The following MTCH1 variants were observed in gnomAD, a reference collection of about 807,000 sequenced individuals.
The protein encoded by MTCH1 is mitochondrial carrier 1, also known as mitochondrial carrier homolog 1.
In MTCH1, 23 loss-of-function variants were observed where a neutral mutation model predicts 49.3. That is an observed-to-expected ratio of 0.47 (90% confidence interval 0.34 to 0.66). MTCH1 has a LOEUF of 0.66. MTCH1 is among the 30% of genes least tolerant of loss of function. The probability of loss-of-function intolerance (pLI) is 0.01; values close to 1 mark genes in which losing one functional copy is unlikely to be tolerated. For synonymous variants in MTCH1, 229 were observed against 215.2 expected (o/e 1.06, Z -0.56); for missense variants, 397 against 532.1 (o/e 0.75, Z 2.50).
At chr6:36,969,656 A>G in intron 11 of MTCH1, 3 of 1,193,756 alleles carry the variant, frequency 2.5e-6, no homozygotes, top group Non-Finnish European at 2.1e-6. Flanking sequence ...CGCCCTAACA[A>G]CCCAGGAACT....
chr6:36,983,521 T>C (rs939087581), intron 1 of MTCH1, among the ~76,000 whole-genome samples: 2 of 152,206 alleles, frequency 1.3e-5, no homozygotes, highest in African/African-American at 4.8e-5. Context: ...TGGGTTATCA[T>C]AGGCACACTG....
chr6:36,981,457 T>G, intron 2 of MTCH1, 131 bp downstream of exon 2: 1 of 768,096 alleles, frequency 1.3e-6, no homozygotes, highest in Admixed American at 2.7e-5. Context: ...CACGCTTAGA[T>G]CCCCTCCTCC....
rs935693517 is a variant in MTCH1, at chr6:36,978,242, A to T, written c.514-87T>A. 7.4e-6 allele frequency: 9 copies of T among 1,224,338 alleles called. No homozygotes were observed. In the East Asian group the frequency reaches 2.1e-4, roughly 29 times the overall value. The allele number at this position is 1,224,338 out of a possible 1,614,324, so 75.8% of individuals were successfully genotyped here. ...ACTTGGGCGGCAGGAACCAGCTCCA[A>T]ATATTTCCTCTGCAGTGTCTATTGG... is the stretch of plus-strand genomic sequence containing the variant. On this transcript the variant is annotated intron_variant, in intron 3 of 11. Coordinates refer to ENST00000373627, the MANE Select transcript of MTCH1 (RefSeq NM_001271641.2).
At chr6:36,985,402 A>C (rs1764261774) in intron 1 of MTCH1, among the ~76,000 whole-genome samples, 1 of 148,954 alleles carries the variant, frequency 6.7e-6, no homozygotes. Context: ...TTCTCTAAAC[A>C]CTTTGCCTGG....
Position 36,972,723 on chromosome 6 carries a change from C to T in MTCH1, c.835G>A (p.Ala279Thr). The part of the protein sequence containing the change: ...GCNLLAHFIN[A>T]YLVDDSVSDT... ...CTCACGCTGTCATCCACCAGGTAGG[C>T]ATTGATGAAGTGGGCCAGCAGGTTA... The change falls in exon 8 of 12, where the codon GCC (alanine) becomes ACC (threonine). Residue 279 changes from alanine (A) to threonine (T), a missense_variant. Physicochemically the swap from Ala to Thr is moderately conservative, Grantham distance 58 (BLOSUM62 0). Around this residue, in one of 2 missense-constraint regions of MTCH1, gnomAD observed 252 missense variants for 388.3 expected, o/e 0.65. Transcript: ENST00000373627. The surrounding 1 kb of genome is among the most constrained non-coding windows in gnomAD (Gnocchi z 4.1). 6.4e-7 allele frequency: 1 copy of T among 1,553,136 alleles called. No homozygotes were observed. Among genetic ancestry groups the T allele is most frequent in the Non-Finnish European group, 8.7e-7 (1 of 1,147,658 alleles).
At chr6:36,981,196 C>A (rs749375034) in intron 2 of MTCH1, among the ~76,000 whole-genome samples, 2 of 152,182 alleles carry the variant, frequency 1.3e-5, no homozygotes, top group African/African-American at 4.8e-5. Context: ...GAGGACCCCC[C>A]GGGCCTCCTG....
chr6:36,978,046 G>GCA (rs759011209), intron 4 of MTCH1, 32 bp downstream of exon 4: 1 of 1,563,568 alleles, frequency 6.4e-7, no homozygotes, highest in South Asian at 1.1e-5. Context: ...TCCCCTCCAC[G>GCA]CACCTCTCCC....
chr6:36,978,392 G>T, intron 3 of MTCH1, 113 bp downstream of exon 3: 1 of 1,107,948 alleles, frequency 9.0e-7, no homozygotes, highest in Non-Finnish European at 1.3e-6. Flanking sequence ...CTGGAGTGAA[G>T]CCCCCAATGG....
chr6:36,974,215 C>G (rs1763782457), intron 7 of MTCH1, among the ~76,000 whole-genome samples: 1 of 151,574 alleles, frequency 6.6e-6, no homozygotes, highest in African/African-American at 2.4e-5. Flanking sequence ...TTTTTTTTCC[C>G]CAAGAGACAG....
At chr6:36,970,342 G>C (rs959316353) in intron 10 of MTCH1, 64 bp downstream of exon 10, 2 of 1,591,528 alleles carry the variant, frequency 1.3e-6, no homozygotes, top group Non-Finnish European at 8.6e-7. Flanking sequence ...GGAAGGGCTC[G>C]GTGGGTCTCC....
chr6:36,971,116 TCC>T, intron 8 of MTCH1, among the ~76,000 whole-genome samples: 1 of 152,106 alleles, frequency 6.6e-6, no homozygotes, highest in Non-Finnish European at 1.5e-5. Context: ...AGCAAGCTTT[TCC>T]CCCTTCAGAC....
chr6:36,975,768 A>G (rs1255093070), intron 6 of MTCH1, 51 bp from the exon 7 acceptor site: 3 of 1,570,962 alleles, frequency 1.9e-6, no homozygotes, highest in East Asian at 2.2e-5. Context: ...ACCTACCAGA[A>G]GCCCACCCGT....
At position 36,968,348 on chromosome 6, in the gene MTCH1, A is replaced by G; in HGVS notation, c.*555T>C. ...ATTCTGAGTAGTTGCATGATTTCCC[A>G]TTCAGAGGCAGGTGCTGCCCTCATA... On this transcript the variant is annotated 3_prime_UTR_variant, in exon 12 of 12. Transcript: ENST00000373627. The G allele has an allele frequency of 4.1e-6, 1 of 242,632 alleles. No homozygotes were observed. The highest frequency in any genetic ancestry group is 8.2e-6 in the Non-Finnish European group (1 of 121,472). 15.0% of individuals were successfully genotyped at this position (242,632 alleles called of 1,614,324 possible). A position where few individuals can be genotyped will look rare whatever the true frequency, so the allele number is the denominator to read the frequency against.
At chr6:36,979,180 C>T (rs1246862522) in intron 2 of MTCH1, among the ~76,000 whole-genome samples, 1 of 152,066 alleles carries the variant, frequency 6.6e-6, no homozygotes, top group Non-Finnish European at 1.5e-5. Flanking sequence ...ACCCAGGATA[C>T]CACCTGGCAC....
At chr6:36,970,507 C>T (rs1379506273) in intron 9 of MTCH1, 34 bp from the exon 10 acceptor site, 1 of 1,612,446 alleles carries the variant, frequency 6.2e-7, no homozygotes, top group Non-Finnish European at 8.5e-7. Flanking sequence ...GCCAGTGACC[C>T]ACCCCGGCCC....
intron 11 of MTCH1, 191 bp from the exon 12 acceptor site, chr6:36,969,165 C>G (rs960755082): frequency 1.9e-5 from 19 of 985,304 alleles, no homozygotes; most frequent in Non-Finnish European, 2.3e-5. Context: ...GGTTCATTTC[C>G]TGCCCAGGGG....
chr6:36,986,495 C>T (rs1014376114), upstream of MTCH1, among the ~76,000 whole-genome samples: 2 of 152,100 alleles, frequency 1.3e-5, no homozygotes, highest in African/African-American at 2.4e-5. Flanking sequence ...CCAGACGTCC[C>T]CAATATGGTC....
intron 2 of MTCH1, among the ~76,000 whole-genome samples, 183 bp downstream of exon 2, chr6:36,981,405 A>T (rs1284687670): frequency 6.6e-6 from 1 of 152,168 alleles, no homozygotes; most frequent in African/African-American, 2.4e-5. Flanking sequence ...CCAAAGCTGT[A>T]TGGTTCACCT....
At chr6:36,970,217 C>G in intron 10 of MTCH1, 103 bp from the exon 11 acceptor site, 1 of 1,432,750 alleles carries the variant, frequency 7.0e-7, no homozygotes, top group Non-Finnish European at 9.6e-7. Flanking sequence ...CCCATCCACA[C>G]CCTGACCCCT....
Sources: gnomAD v4.1 joint callset for allele counts (sites outside exome capture counted in the v4.1 genomes callset) on GRCh38, gnomAD v4.1.1 for gene constraint, gnomAD v4.1.1 regional missense constraint, Gnocchi (gnomAD v3.1) non-coding constraint, MANE v1.5 for transcripts, NCBI Gene and HGNC (gene_info 2026-07-23, HGNC 2026-07-21) for gene names.